PCDHA13: variants seen among roughly 807,000 people sequenced by gnomAD.
PCDHA13 encodes the protein protocadherin alpha 13.
In PCDHA13, 54 loss-of-function variants were observed where a neutral mutation model predicts 64.8. That is an observed-to-expected ratio of 0.83 (90% confidence interval 0.67 to 1.04). The LOEUF is 1.04. Among genes scored for constraint, PCDHA13 ranks in the 50% least tolerant of loss-of-function variants. PCDHA13 has a pLI of 0.00. For synonymous variants in PCDHA13, 587 were observed against 564.4 expected (o/e 1.04, Z -0.57); for missense variants, 1,248 against 1,254.3 (o/e 0.99, Z 0.08).
At chr5:140,999,858 C>G (rs1563644401) in intron 3 of PCDHA13, among the ~76,000 whole-genome samples, 3 of 152,170 alleles carry the variant, frequency 2.0e-5, no homozygotes. Context: ...CTCTTCCGCT[C>G]CAAGATTACT....
Position 140,883,904 on chromosome 5 carries a change from G to C in PCDHA13, c.1636G>C (p.Gly546Arg). ...GCGCGACTCTGGCGTGCCGCCTCTGGGCAGCAACGTGACGCTGCAGGTGTT... is the reference window on the plus strand; with the variant it reads ...GCGCGACTCTGGCGTGCCGCCTCTGCGCAGCAACGTGACGCTGCAGGTGTT... ...SARDSGVPPL[G>R]SNVTLQVFVL... The change falls in exon 1 of 4, where the codon GGC becomes CGC. Residue 546 changes from glycine (G) to arginine (R), a missense_variant. Gly to Arg is a moderately radical substitution (Grantham distance 125). Transcript: ENST00000289272. 1 of 1,613,344 alleles carries C rather than the reference G, an allele frequency of 6.2e-7. No individual in the cohort carries two copies. Among genetic ancestry groups the C allele is most frequent in the Non-Finnish European group, 8.5e-7 (1 of 1,179,828 alleles).
intron 1 of PCDHA13, among the ~76,000 whole-genome samples, chr5:140,951,286 T>G (rs537000082): frequency 7.9e-5 from 12 of 152,352 alleles, no homozygotes; most frequent in African/African-American, 2.6e-4. Context: ...TAATTTTGGA[T>G]TATATCTTGA....
chr5:140,975,058 C>T (rs1016137596), intron 1 of PCDHA13, among the ~76,000 whole-genome samples: 34 of 152,090 alleles, frequency 2.2e-4, no homozygotes, highest in African/African-American at 8.2e-4. Context: ...AATCTACTAT[C>T]GAGCTCATTC....
At chr5:140,977,126 T>C (rs782356713) in intron 1 of PCDHA13, among the ~76,000 whole-genome samples, 27 of 152,240 alleles carry the variant, frequency 1.8e-4, no homozygotes, top group Admixed American at 4.6e-4. Context: ...GAACTGAGTT[T>C]CCTGGTCAGT....
In PCDHA13 at chr5:141,005,428, G is replaced by T. The variant is rs907211430; in HGVS notation, c.2543-4199G>T. On this transcript the variant is annotated intron_variant, in intron 3 of 3. Transcript: ENST00000289272. ...AGAGTGAGGAGTCATGCTAAGAATG[G>T]ATGAGAGGCTCACGCCTGTAATCCC... Among the ~76,000 whole-genome samples, 21 of 152,154 alleles carry T rather than the reference G, an allele frequency of 1.4e-4. 1 individual carries two copies. The highest frequency in any genetic ancestry group is 1.2e-3 in the Admixed American group (19 of 15,266).
intron 1 of PCDHA13, among the ~76,000 whole-genome samples, chr5:140,953,801 T>C (rs2094937379): frequency 6.6e-6 from 1 of 152,204 alleles, no homozygotes; most frequent in Non-Finnish European, 1.5e-5. Flanking sequence ...ACTTTTAAGT[T>C]CTGAGGTGCA....
Position 141,009,665 on chromosome 5 carries a change from G to T in PCDHA13, c.2581G>T (p.Gly861Cys). 6.2e-7 allele frequency: 1 copy of T among 1,614,022 alleles called. No individual in the cohort carries two copies. Among genetic ancestry groups the T allele is most frequent in the Non-Finnish European group, 8.5e-7 (1 of 1,180,006 alleles). The change falls in exon 4 of 4, where the codon GGT becomes TGT. Residue 861 changes from glycine to cysteine, a missense_variant. By Grantham distance (159) the Gly-to-Cys change is radical (BLOSUM62 -3). Transcript: ENST00000289272. The stretch of plus-strand genomic sequence containing the variant: ...AGAAGTGTCCCCTCCAGTCGGTGCG[G>T]GTGTCAACAGCAACAGCTGGACCTT... ...AGEVSPPVGA[G>C]VNSNSWTFKY...
chr5:141,008,346 C>T lies in PCDHA13; in HGVS notation c.2543-1281C>T, dbSNP rs1223206383. Among the ~76,000 whole-genome samples the T allele has an allele frequency of 2.0e-5, 3 of 152,158 alleles. No homozygotes were observed. The East Asian group carries it at 5.8e-4, about 29-fold the overall frequency. On this transcript the variant is annotated intron_variant, in intron 3 of 3. Coordinates refer to ENST00000289272, the MANE Select transcript of PCDHA13 (RefSeq NM_018904.3). ...ACAGTTTATTTGATGGAGCTTTTCA[C>T]GTGTCAACCAAAGGAGCAGTGTTAG...
chr5:140,935,957 A>G (rs1427987096), intron 1 of PCDHA13, among the ~76,000 whole-genome samples: 5 of 150,604 alleles, frequency 3.3e-5, no homozygotes, highest in African/African-American at 1.2e-4. Context: ...AAGTGGTACA[A>G]TCTTGGCTCA....
At chr5:140,901,713 A>G (rs1463520839) in intron 1 of PCDHA13, among the ~76,000 whole-genome samples, 1 of 151,994 alleles carries the variant, frequency 6.6e-6, no homozygotes, top group Non-Finnish European at 1.5e-5. Context: ...ACATTTTCAG[A>G]TTGTCTTTTC....
intron 3 of PCDHA13, among the ~76,000 whole-genome samples, chr5:140,987,098 C>A (rs2153859479): frequency 6.6e-6 from 1 of 151,952 alleles, no homozygotes; most frequent in Admixed American, 6.6e-5. Flanking sequence ...CCTGTAATCC[C>A]AGCTACTCGG....
intron 3 of PCDHA13, among the ~76,000 whole-genome samples, chr5:140,983,986 G>A (rs1475891501): frequency 2.0e-5 from 3 of 152,176 alleles, no homozygotes; most frequent in African/African-American, 7.2e-5. Context: ...ACGAGTTGAA[G>A]CAATTCATTA....
intron 1 of PCDHA13, among the ~76,000 whole-genome samples, chr5:140,888,210 T>C (rs1395913579): frequency 6.6e-6 from 1 of 152,082 alleles, no homozygotes; most frequent in East Asian, 1.9e-4. Flanking sequence ...ATGCTGGATT[T>C]TGTGTGTGTG....
At chr5:140,960,515 A>G (rs1445432467) in intron 1 of PCDHA13, among the ~76,000 whole-genome samples, 1 of 152,182 alleles carries the variant, frequency 6.6e-6, no homozygotes, top group Non-Finnish European at 1.5e-5. Flanking sequence ...AGCAAACATA[A>G]TGGGTATAGG....
intron 1 of PCDHA13, among the ~76,000 whole-genome samples, chr5:140,962,346 TC>T (rs35212677): frequency 6.6e-6 from 1 of 152,108 alleles, no homozygotes; most frequent in Non-Finnish European, 1.5e-5. Flanking sequence ...GAAGTAAAAC[TC>T]CCCCCAATAC....
At chr5:140,898,583 G>C (rs1179481608) in intron 1 of PCDHA13, among the ~76,000 whole-genome samples, 2 of 152,124 alleles carry the variant, frequency 1.3e-5, no homozygotes, top group African/African-American at 4.8e-5. Context: ...TGCTGTTTTG[G>C]TTACTGTAGC....
intron 1 of PCDHA13, among the ~76,000 whole-genome samples, chr5:140,896,522 G>A (rs1228394123): frequency 6.7e-6 from 1 of 149,268 alleles, no homozygotes; most frequent in Non-Finnish European, 1.5e-5. Context: ...ACACCACAAA[G>A]CCCAGCTATT....
chr5:140,917,440 C>A (rs913046487), intron 1 of PCDHA13, among the ~76,000 whole-genome samples: 1 of 151,666 alleles, frequency 6.6e-6, no homozygotes, highest in Non-Finnish European at 1.5e-5. Flanking sequence ...TTTGTTTTTG[C>A]TGCAAGAGCG....
In PCDHA13 at chr5:141,012,021, A is replaced by T. The variant is rs1428323351; in HGVS notation, c.*2084A>T. 6.5e-6 allele frequency: 1 copy of T among 153,734 alleles called. No individual in the cohort carries two copies. The highest frequency in any genetic ancestry group is 1.5e-5 in the Non-Finnish European group (1 of 68,044). 9.5% of individuals were successfully genotyped at this position (153,734 alleles called of 1,614,324 possible). The stretch of plus-strand genomic sequence containing the variant: ...CATATTTTGAAGGGTGTGTAACTTC[A>T]GCTCTGCAGGATTGCATGGGGTAAA... On this transcript the variant is annotated 3_prime_UTR_variant, in exon 4 of 4. Transcript: ENST00000289272.
Sources: gnomAD v4.1 joint callset for allele counts (sites outside exome capture counted in the v4.1 genomes callset) on GRCh38, gnomAD v4.1.1 for gene constraint, MANE v1.5 for transcripts, NCBI Gene and HGNC (gene_info 2026-07-23, HGNC 2026-07-21) for gene names.